GNG12: variants seen among roughly 807,000 people sequenced by gnomAD.
GNG12 encodes G protein subunit gamma 12.
For missense variants in GNG12, 69 were observed against 83.8 expected (o/e 0.82, Z 0.69); for synonymous variants, 28 against 29.7 (o/e 0.94, Z 0.19).
chr1:67,797,688 G>T (rs1646840180), intron 1 of GNG12, among the ~76,000 whole-genome samples: 1 of 152,092 alleles, frequency 6.6e-6, no homozygotes, highest in Non-Finnish European at 1.5e-5. Context: ...TCTACACTTT[G>T]CCAGAAGAGG....
At chr1:67,749,797 C>T (rs1234881065) in intron 2 of GNG12, among the ~76,000 whole-genome samples, 2 of 152,160 alleles carry the variant, frequency 1.3e-5, no homozygotes, top group African/African-American at 2.4e-5. Context: ...ACTTGTTCCC[C>T]TCTCCTGATC....
chr1:67,819,015 C>A (rs1000942102), intron 1 of GNG12, among the ~76,000 whole-genome samples: 16 of 152,156 alleles, frequency 1.1e-4, no homozygotes, highest in African/African-American at 3.6e-4. Flanking sequence ...CAGGAAGTGA[C>A]CCACTGAAAT....
At position 67,705,096 on chromosome 1, in the gene GNG12, T is replaced by G. The variant is rs1646238800; in HGVS notation, c.*355A>C. 1 of 170,172 alleles carries G rather than the reference T, an allele frequency of 5.9e-6. No individual in the cohort carries two copies. Among genetic ancestry groups the G allele is most frequent in the Admixed American group, 6.0e-5 (1 of 16,738 alleles). The allele number at this position is 170,172 out of a possible 1,614,324, so 10.5% of individuals were successfully genotyped here. On this transcript the variant is annotated 3_prime_UTR_variant, in exon 4 of 4. Coordinates refer to ENST00000370982, the MANE Select transcript of GNG12 (RefSeq NM_018841.6). ...AGGATTTCAATGAATTTTGGAATTT[T>G]AATTTGACAGGTGCTTAGGCCATTT...
intron 1 of GNG12, among the ~76,000 whole-genome samples, chr1:67,823,954 T>TAGAA (rs1353007504): frequency 5.3e-5 from 8 of 152,214 alleles, no homozygotes; most frequent in Admixed American, 5.2e-4. Flanking sequence ...GAAAACTTGT[T>TAGAA]ATTCTGTGTG....
intron 1 of GNG12, among the ~76,000 whole-genome samples, chr1:67,790,990 A>G (rs1452737386): frequency 6.6e-6 from 1 of 152,172 alleles, no homozygotes; most frequent in African/African-American, 2.4e-5. Flanking sequence ...TAGATTTTTC[A>G]TAAATGAAAA....
chr1:67,782,786 G>C (rs1409314537), intron 1 of GNG12, among the ~76,000 whole-genome samples: 1 of 152,130 alleles, frequency 6.6e-6, no homozygotes, highest in Non-Finnish European at 1.5e-5. Context: ...GTACTGAAAG[G>C]ACAATGGCAG....
At chr1:67,831,617 C>T (rs944382776) in intron 1 of GNG12, among the ~76,000 whole-genome samples, 2 of 152,146 alleles carry the variant, frequency 1.3e-5, no homozygotes, top group African/African-American at 4.8e-5. Flanking sequence ...TAAACCAGGG[C>T]TTTACGGCGC....
chr1:67,744,551 C>G (rs906376888), intron 2 of GNG12, among the ~76,000 whole-genome samples: 1 of 152,198 alleles, frequency 6.6e-6, no homozygotes, highest in South Asian at 2.1e-4. Flanking sequence ...AGAGGGCCCA[C>G]GTCTTAGTGC....
chr1:67,713,920 A>T (rs1040401090), intron 2 of GNG12, among the ~76,000 whole-genome samples: 4 of 152,224 alleles, frequency 2.6e-5, no homozygotes, highest in Admixed American at 1.3e-4. Context: ...ACAACAGAAG[A>T]ATTTCAAGGT....
intron 2 of GNG12, among the ~76,000 whole-genome samples, chr1:67,729,277 G>T (rs1321508659): frequency 6.6e-6 from 1 of 152,150 alleles, no homozygotes; most frequent in Non-Finnish European, 1.5e-5. Flanking sequence ...TGGTCCTGGG[G>T]ACCTGTCTGT....
chr1:67,738,520 G>GAAAAAAA (rs1646464744), intron 2 of GNG12, among the ~76,000 whole-genome samples: 1 of 152,052 alleles, frequency 6.6e-6, no homozygotes, highest in Non-Finnish European at 1.5e-5. Flanking sequence ...CCTCCCCCTG[G>GAAAAAAA]AGCTCTGGTC....
At chr1:67,777,092 C>T (rs1646710011) in intron 2 of GNG12, 1 of 152,116 alleles carries the variant, frequency 6.6e-6, no homozygotes, top group Admixed American at 6.5e-5. Flanking sequence ...AGCTGTGAGA[C>T]AATTTTCATT....
chr1:67,819,954 CCT>C (rs1271252643), intron 1 of GNG12, among the ~76,000 whole-genome samples: 2 of 152,090 alleles, frequency 1.3e-5, no homozygotes, highest in Non-Finnish European at 2.9e-5. Context: ...GTCTCAGTCC[CCT>C]GCTTTGCTAC....
At chr1:67,707,804 G>C in intron 2 of GNG12, 92 bp from the exon 3 acceptor site, 1 of 648,684 alleles carries the variant, frequency 1.5e-6, no homozygotes, top group Non-Finnish European at 2.6e-6. Flanking sequence ...GGAAATAGAT[G>C]GATTTTCCTA....
At chr1:67,800,914 A>T (rs1168617510) in intron 1 of GNG12, among the ~76,000 whole-genome samples, 3 of 152,220 alleles carry the variant, frequency 2.0e-5, no homozygotes, top group Non-Finnish European at 4.4e-5. Context: ...AAAAGTATTT[A>T]ATAAATGTTC....
intron 3 of GNG12, among the ~76,000 whole-genome samples, chr1:67,706,090 A>T (rs187881810): frequency 8.6e-4 from 131 of 152,310 alleles, no homozygotes; most frequent in Middle Eastern, 3.4e-3. Flanking sequence ...AGGGAGAGAG[A>T]CAGTGCAAGC....
At chr1:67,816,735 C>A (rs1646955516) in intron 1 of GNG12, among the ~76,000 whole-genome samples, 1 of 152,148 alleles carries the variant, frequency 6.6e-6, no homozygotes, top group Non-Finnish European at 1.5e-5. Flanking sequence ...CAGGTAGGGC[C>A]CGGTGACAAG....
intron 1 of GNG12, among the ~76,000 whole-genome samples, chr1:67,799,175 A>G (rs1224569577): frequency 6.6e-6 from 1 of 152,092 alleles, no homozygotes; most frequent in Non-Finnish European, 1.5e-5. Context: ...TTATACATAC[A>G]TTTTCGATTG....
At position 67,714,910 on chromosome 1, in the gene GNG12, C is replaced by T. The variant is rs184110334; in HGVS notation, c.-26-7198G>A. 1.8e-4 allele frequency among the ~76,000 whole-genome samples: 28 copies of T among 151,746 alleles called. No homozygotes were observed. In the South Asian group the frequency reaches 2.5e-3, roughly 13 times the overall value. Reference sequence around the variant, plus strand: ...ACCATGTGAACGCAGAGGGAGAAAACGGCCATCTTTTGTTTGTTTGTTTGT... The same window carrying T: ...ACCATGTGAACGCAGAGGGAGAAAATGGCCATCTTTTGTTTGTTTGTTTGT... On this transcript the variant is annotated intron_variant, in intron 2 of 3. Transcript: ENST00000370982.
Sources: allele counts gnomAD v4.1 joint callset (sites outside exome capture counted in the v4.1 genomes callset), GRCh38; gene constraint gnomAD v4.1.1; transcripts MANE v1.5; gene names NCBI Gene and HGNC (gene_info 2026-07-23, HGNC 2026-07-21).